The following STAB2 variants were observed in gnomAD, a reference collection of about 807,000 sequenced individuals.
The protein encoded by STAB2 is stabilin 2.
A neutral mutation model predicts 338.1 loss-of-function variants in STAB2; 288 were observed. That is an observed-to-expected ratio of 0.85 (90% CI 0.77 to 0.94). STAB2 has a LOEUF of 0.94. STAB2 is among the 40% of genes least tolerant of loss of function. The pLI is 0.00. For synonymous variants in STAB2, 1,202 were observed against 1,193.3 expected (o/e 1.01, Z -0.15); for missense variants, 3,141 against 3,210.1 (o/e 0.98, Z 0.52).
At position 103,587,331 on chromosome 12, in the gene STAB2, G is replaced by A. The variant is rs1956725146; in HGVS notation, c.-146G>A. ...TGAAGGCAGGTCTCACCTATCTCCTGGTTCGATCTAGGAAAAAGGAAAGGA... is the reference window on the plus strand; with the variant it reads ...TGAAGGCAGGTCTCACCTATCTCCTAGTTCGATCTAGGAAAAAGGAAAGGA... On this transcript the variant is annotated 5_prime_UTR_variant, in exon 1 of 69. Transcript: ENST00000388887. The A allele has an allele frequency of 5.7e-6, 4 of 700,998 alleles. No homozygotes were observed. Among genetic ancestry groups the A allele is most frequent in the Admixed American group, 2.8e-5 (1 of 36,026 alleles). 43.4% of individuals were successfully genotyped at this position (700,998 alleles called of 1,614,324 possible).
chr12:103,730,283 A>G (rs4981042), intron 49 of STAB2, 27 bp downstream of exon 49: 1,170,444 of 1,610,628 alleles, frequency 0.73, 430,666 homozygotes, highest in East Asian at 0.99. Flanking sequence ...TTATGTTTTC[A>G]GCCTGGAGTG....
chr12:103,706,118 T>TCA lies in STAB2; in HGVS notation c.3996+391_3996+392insCA, dbSNP rs562895002. Among the ~76,000 whole-genome samples the TCA allele has an allele frequency of 2.6e-5, 4 of 152,244 alleles. No individual in the cohort carries two copies. In the East Asian group the frequency reaches 7.7e-4, roughly 29 times the overall value. On this transcript the variant is annotated intron_variant, in intron 37 of 68. Transcript: ENST00000388887. ...ACAGGACCCCAAGGCTAACTACCTC[T>TCA]AGTGGTGCCTTTGGAATTTGCAGGA... is the stretch of plus-strand genomic sequence containing the variant.
At chr12:103,657,858 C>T (rs534517154) in intron 15 of STAB2, 117 of 152,292 alleles carry the variant, frequency 7.7e-4, no homozygotes, top group African/African-American at 2.6e-3. Context: ...GCTTTATCTT[C>T]AAGGAAGAGT....
chr12:103,606,107 G>T (rs1387263441), intron 3 of STAB2, among the ~76,000 whole-genome samples: 1 of 151,588 alleles, frequency 6.6e-6, no homozygotes, highest in Non-Finnish European at 1.5e-5. Context: ...ATCCTCTTTT[G>T]TCTCCTTTGT....
intron 22 of STAB2, among the ~76,000 whole-genome samples, chr12:103,673,094 T>C (rs979241766): frequency 1.5e-4 from 23 of 152,190 alleles, no homozygotes; most frequent in African/African-American, 5.1e-4. Flanking sequence ...ATATCGCCTA[T>C]TGGTTATCAT....
intron 3 of STAB2, among the ~76,000 whole-genome samples, chr12:103,604,820 T>A (rs1236924750): frequency 6.6e-6 from 1 of 151,688 alleles, no homozygotes; most frequent in Non-Finnish European, 1.5e-5. Flanking sequence ...ACTCTATTGC[T>A]TTTCTAATTT....
intron 25 of STAB2, among the ~76,000 whole-genome samples, chr12:103,682,258 G>C (rs1410442652): frequency 6.6e-6 from 1 of 152,088 alleles, no homozygotes; most frequent in Non-Finnish European, 1.5e-5. Flanking sequence ...GACTCAGATT[G>C]AGTGTGTCCA....
chr12:103,755,415 A>T lies in STAB2; in HGVS notation c.6828A>T (p.Gly2276=). ...GSGVVGIVDY[G]PRPNKSEMWD... is the part of the protein sequence containing the mutation. ...GTGTGGTTGGGATAGTGGACTATGG[A>T]CCTAGACCCAACAAGAGTGAAATGT... Residue 2276 remains glycine (G), a synonymous_variant, in exon 62 of 69, where the codon GGA becomes GGT. Coordinates refer to ENST00000388887, the MANE Select transcript of STAB2 (RefSeq NM_017564.10). 1 of 1,614,070 alleles carries T rather than the reference A, an allele frequency of 6.2e-7. No individual in the cohort carries two copies. The highest frequency in any genetic ancestry group is 8.5e-7 in the Non-Finnish European group (1 of 1,180,012).
chr12:103,729,774 A>T (rs1881489080), intron 48 of STAB2, among the ~76,000 whole-genome samples: 1 of 152,202 alleles, frequency 6.6e-6, no homozygotes, highest in Admixed American at 6.5e-5. Flanking sequence ...AAAAATGGTG[A>T]CTGTAGAATT....
chr12:103,765,094 A>C (rs1255061228), intron 68 of STAB2, among the ~76,000 whole-genome samples: 23 of 151,012 alleles, frequency 1.5e-4, no homozygotes, highest in African/African-American at 5.1e-4. Flanking sequence ...CTCAAAAAAA[A>C]AAAAAAAAAA....
At chr12:103,612,256 C>T (rs1301402522) in intron 3 of STAB2, among the ~76,000 whole-genome samples, 1 of 152,070 alleles carries the variant, frequency 6.6e-6, no homozygotes, top group Non-Finnish European at 1.5e-5. Flanking sequence ...GGGAAGTTCT[C>T]CTGGATAATA....
At chr12:103,678,761 A>G (rs1013432425) in intron 25 of STAB2, among the ~76,000 whole-genome samples, 2 of 151,930 alleles carry the variant, frequency 1.3e-5, no homozygotes, top group African/African-American at 4.8e-5. Context: ...CAAACTCCCG[A>G]TCTCAGGTGA....
intron 3 of STAB2, among the ~76,000 whole-genome samples, chr12:103,619,897 T>C: frequency 6.6e-6 from 1 of 152,154 alleles, no homozygotes; most frequent in Non-Finnish European, 1.5e-5. Context: ...TATCCTTTCC[T>C]TTTAAGCATA....
At chr12:103,740,841 A>G in intron 55 of STAB2, 85 bp downstream of exon 55, 3 of 1,465,092 alleles carry the variant, frequency 2.0e-6, no homozygotes, top group South Asian at 1.5e-5. Flanking sequence ...TACCAAAATT[A>G]TAGGGGGATG....
At chr12:103,602,452 G>A (rs1230690501) in intron 3 of STAB2, among the ~76,000 whole-genome samples, 1 of 152,222 alleles carries the variant, frequency 6.6e-6, no homozygotes, top group Non-Finnish European at 1.5e-5. Context: ...GTTTTGGGGT[G>A]AATGTAAGTT....
At chr12:103,745,023 A>G in intron 56 of STAB2, 150 bp from the exon 57 acceptor site, 1 of 646,612 alleles carries the variant, frequency 1.5e-6, no homozygotes, top group Non-Finnish European at 2.5e-6. Context: ...TGAATAAGTT[A>G]TTTTTTAGAT....
At chr12:103,649,826 CA>C (rs897946227) in intron 10 of STAB2, among the ~76,000 whole-genome samples, 13 of 152,052 alleles carry the variant, frequency 8.5e-5, no homozygotes, top group Non-Finnish European at 1.0e-4. Context: ...TGGGACCAGA[CA>C]GGGGGGAGGT....
intron 2 of STAB2, among the ~76,000 whole-genome samples, chr12:103,591,397 A>G (rs535238434): frequency 6.6e-6 from 1 of 152,172 alleles, no homozygotes; most frequent in Non-Finnish European, 1.5e-5. Context: ...AGGCACGAGA[A>G]TCGCTTGAAC....
In STAB2 at chr12:103,703,196, A is replaced by G. The variant is rs756604261; in HGVS notation, c.3763A>G (p.Lys1255Glu). 4 of 1,614,094 alleles carry G rather than the reference A, an allele frequency of 2.5e-6. No homozygotes were observed. In the Admixed American group the frequency reaches 6.7e-5, roughly 27 times the overall value. ...PINYTNVATD[K>E]GVIHGLGKVL... Reference sequence around the variant, plus strand: ...AAACTACACCAATGTAGCCACTGATAAGGGAGTGATCCATGGCTTGGGAAA... The same window carrying G: ...AAACTACACCAATGTAGCCACTGATGAGGGAGTGATCCATGGCTTGGGAAA... The change falls in exon 35 of 69, where the codon AAG (lysine) becomes GAG (glutamate). Residue 1255 changes from lysine to glutamate, a missense_variant. Transcript: ENST00000388887.
Sources: allele counts gnomAD v4.1 joint callset (sites outside exome capture counted in the v4.1 genomes callset), GRCh38; gene constraint gnomAD v4.1.1; transcripts MANE v1.5; gene names NCBI Gene and HGNC (gene_info 2026-07-23, HGNC 2026-07-21).